GPR39: variants seen among roughly 807,000 people sequenced by gnomAD.
The protein encoded by GPR39 is G protein-coupled receptor 39, also known as zinc sensing receptor.
A neutral mutation model predicts 18.4 loss-of-function variants in GPR39; 23 were observed. The ratio of observed to expected loss-of-function variants is 1.25; its 90% CI spans 0.90 to 1.77. The LOEUF is 1.77. Ranked by LOEUF, GPR39 falls within the 40% of genes most tolerant of loss-of-function variation. The pLI is 0.00. For missense variants in GPR39, 647 were observed against 602.4 expected, an observed-to-expected ratio of 1.07 and a Z score of -0.78; for synonymous variants, 280 against 257.9, an observed-to-expected ratio of 1.09 and a Z score of -0.82.
chr2:132,484,517 A>G (rs1681294913), intron 1 of GPR39, among the ~76,000 whole-genome samples: 1 of 152,272 alleles, frequency 6.6e-6, no homozygotes, highest in South Asian at 2.1e-4. Flanking sequence ...AGACAGATGG[A>G]CAAGCCTCAG....
intron 1 of GPR39, among the ~76,000 whole-genome samples, chr2:132,633,174 A>T (rs1363648265): frequency 6.6e-6 from 1 of 152,168 alleles, no homozygotes; most frequent in African/African-American, 2.4e-5. Flanking sequence ...TTTCACCTGG[A>T]CGGGAAGCAT....
intron 1 of GPR39, among the ~76,000 whole-genome samples, chr2:132,513,211 C>G (rs12691823): frequency 0.36 from 54,777 of 152,134 alleles, 12,592 homozygotes; most frequent in Non-Finnish European, 0.5. Flanking sequence ...TGGCCTAGCC[C>G]CAGAAGTAGG....
At chr2:132,552,387 A>C (rs1048065492) in intron 1 of GPR39, among the ~76,000 whole-genome samples, 1 of 151,644 alleles carries the variant, frequency 6.6e-6, no homozygotes, top group Non-Finnish European at 1.5e-5. Flanking sequence ...TCTTGCTCTC[A>C]CTCTGCCTTG....
chr2:132,632,650 C>G (rs1681670625), intron 1 of GPR39, among the ~76,000 whole-genome samples: 1 of 152,154 alleles, frequency 6.6e-6, no homozygotes, highest in South Asian at 2.1e-4. Context: ...CCTAACCTAT[C>G]CATGCCTCCA....
intron 1 of GPR39, among the ~76,000 whole-genome samples, chr2:132,424,737 G>A (rs993271965): frequency 2.0e-5 from 3 of 152,144 alleles, no homozygotes; most frequent in Admixed American, 6.5e-5. Flanking sequence ...GACAGCATTT[G>A]TTGCATTCCA....
At position 132,416,823 on chromosome 2, in the gene GPR39, C is replaced by A; in HGVS notation, c.-220C>A. On this transcript the variant is annotated 5_prime_UTR_variant, in exon 1 of 2. Transcript: ENST00000329321. ...CCCAGCCACATACACTCCCAAACCT[C>A]AACACCCAGGCGCCTCCTGGGCCTC... 1.6e-6 allele frequency: 1 copy of A among 618,932 alleles called. No individual in the cohort carries two copies. The highest frequency in any genetic ancestry group is 2.8e-6 in the Non-Finnish European group (1 of 354,762). The allele number at this position is 618,932 out of a possible 1,614,324, so 38.3% of individuals were successfully genotyped here. A position where few individuals can be genotyped will look rare whatever the true frequency, so the allele number is the denominator to read the frequency against.
chr2:132,643,384 C>T (rs1681899775), intron 1 of GPR39, among the ~76,000 whole-genome samples: 1 of 152,198 alleles, frequency 6.6e-6, no homozygotes, highest in African/African-American at 2.4e-5. Context: ...GCCTTCCTTG[C>T]TCACATATGG....
At chr2:132,506,280 T>A (rs536205284) in intron 1 of GPR39, among the ~76,000 whole-genome samples, 8 of 152,330 alleles carry the variant, frequency 5.3e-5, no homozygotes, top group African/African-American at 1.9e-4. Flanking sequence ...TTGTTTGAGT[T>A]CTTTTTATAT....
chr2:132,645,314 A>AGGTGC lies in GPR39; in HGVS notation c.1071_1075dup (p.Leu359ArgfsTer54). 1 of 1,614,168 alleles carries AGGTGC rather than the reference A, an allele frequency of 6.2e-7. No individual in the cohort carries two copies. The highest frequency in any genetic ancestry group is 8.5e-7 in the Non-Finnish European group (1 of 1,180,026). On this transcript the variant is annotated frameshift_variant, in exon 2 of 2. Coordinates refer to ENST00000329321, the MANE Select transcript of GPR39 (RefSeq NM_001508.3). LOFTEE classifies it low-confidence loss of function (END_TRUNC). ...CAGCAGTTTCGGCGGGTGTTCGTGC[A>AGGTGC]GGTGCTGTGCTGCCGCCTGTCGCTG...
chr2:132,475,140 T>C (rs1226378889), intron 1 of GPR39, among the ~76,000 whole-genome samples: 1 of 152,096 alleles, frequency 6.6e-6, no homozygotes, highest in African/African-American at 2.4e-5. Flanking sequence ...CCTTATCAGC[T>C]AATTGAATCC....
At chr2:132,533,764 G>T (rs1482809340) in intron 1 of GPR39, among the ~76,000 whole-genome samples, 6 of 152,140 alleles carry the variant, frequency 3.9e-5, no homozygotes, top group African/African-American at 1.4e-4. Flanking sequence ...TTTAATAAAT[G>T]GTGCTGGGAA....
chr2:132,505,034 G>A (rs991843082), intron 1 of GPR39, among the ~76,000 whole-genome samples: 28 of 152,272 alleles, frequency 1.8e-4, no homozygotes, highest in Admixed American at 1.4e-3. Flanking sequence ...TCTGTCTTCT[G>A]TTGCCTATAA....
At chr2:132,608,018 G>A (rs927044959) in intron 1 of GPR39, among the ~76,000 whole-genome samples, 2 of 152,124 alleles carry the variant, frequency 1.3e-5, no homozygotes, top group African/African-American at 4.8e-5. Flanking sequence ...CCTCTGGAGA[G>A]GGGAAATATG....
intron 1 of GPR39, among the ~76,000 whole-genome samples, chr2:132,585,756 A>G (rs986861731): frequency 8.6e-5 from 13 of 151,844 alleles, no homozygotes; most frequent in African/African-American, 2.7e-4. Context: ...GTGTTTTCTA[A>G]TAACTCCCTC....
chr2:132,500,668 T>G (rs1435571430), intron 1 of GPR39, among the ~76,000 whole-genome samples: 1 of 152,210 alleles, frequency 6.6e-6, no homozygotes. Flanking sequence ...CAATTCTTCT[T>G]TGAATGTCTG....
chr2:132,539,228 A>G lies in GPR39; in HGVS notation c.857-105873A>G, dbSNP rs1025874089. On this transcript the variant is annotated intron_variant, in intron 1 of 1. Coordinates refer to ENST00000329321, the MANE Select transcript of GPR39 (RefSeq NM_001508.3). ...ATCTACTGATCTGTGGATTGCAAAAATCCATGAGAAAAGTATAGTACCCGG... is the reference window on the plus strand; with the variant it reads ...ATCTACTGATCTGTGGATTGCAAAAGTCCATGAGAAAAGTATAGTACCCGG... Among the ~76,000 whole-genome samples, 4 of 152,088 alleles carry G rather than the reference A, an allele frequency of 2.6e-5. No homozygotes were observed. The East Asian group carries it at 7.7e-4, about 29-fold the overall frequency.
chr2:132,555,875 T>C (rs1573664800), intron 1 of GPR39, among the ~76,000 whole-genome samples: 1 of 152,194 alleles, frequency 6.6e-6, no homozygotes, highest in African/African-American at 2.4e-5. Context: ...GTGTTTGTTT[T>C]ACTTTTAGGG....
intron 1 of GPR39, among the ~76,000 whole-genome samples, chr2:132,584,388 A>G (rs1463177789): frequency 6.6e-6 from 1 of 152,198 alleles, no homozygotes; most frequent in Non-Finnish European, 1.5e-5. Flanking sequence ...ATGCTTGAAG[A>G]TTACCTGAGT....
Position 132,628,848 on chromosome 2 carries a change from C to T in GPR39, c.857-16253C>T, listed in dbSNP as rs114852025. ...CCTTGGCACACACTTTAATGAGATT[C>T]AGTTTTTTCCATATTTTTCAATAAA... is the stretch of plus-strand genomic sequence containing the variant. On this transcript the variant is annotated intron_variant, in intron 1 of 1. Transcript: ENST00000329321. Among the ~76,000 whole-genome samples the T allele has an allele frequency of 1.4e-3, 212 of 151,998 alleles. No individual in the cohort carries two copies. In the Middle Eastern group the frequency reaches 0.017, roughly 12 times the overall value.
Sources: gnomAD v4.1 joint callset for allele counts (sites outside exome capture counted in the v4.1 genomes callset) on GRCh38, gnomAD v4.1.1 for gene constraint, MANE v1.5 for transcripts, NCBI Gene and HGNC (gene_info 2026-07-23, HGNC 2026-07-21) for gene names.